TJP1: variants seen among roughly 807,000 people sequenced by gnomAD.
TJP1 encodes tight junction protein ZO-1.
Under a neutral mutation model 194.2 loss-of-function variants are expected in TJP1, and 43 were observed. The observed-to-expected ratio is 0.22, with a 90% CI of 0.17 to 0.29. TJP1 has a LOEUF of 0.29. TJP1 is among the 10% of genes least tolerant of loss of function. The pLI is 1.00. For missense variants in TJP1, 1,971 were observed against 2,185.7 expected, an observed-to-expected ratio of 0.90 and a Z score of 1.96; for synonymous variants, 801 against 779.0, an observed-to-expected ratio of 1.03 and a Z score of -0.47.
intron 2 of TJP1, among the ~76,000 whole-genome samples, chr15:29,793,982 G>A (rs1219661530): frequency 1.3e-5 from 2 of 152,134 alleles, no homozygotes; most frequent in Non-Finnish European, 1.5e-5. Flanking sequence ...TGGTACCAGG[G>A]AAATACTGGC....
Position 29,761,186 on chromosome 15 carries a change from C to T in TJP1, c.963G>A (p.Glu321=), listed in dbSNP as rs761725816. The T allele has an allele frequency of 1.2e-6, 2 of 1,613,964 alleles. No individual in the cohort carries two copies. Among genetic ancestry groups the T allele is most frequent in the South Asian group, 1.1e-5 (1 of 91,052 alleles). ...SRSRSPDQRS[E]PSDHSRHSPQ... Reference sequence around the variant, plus strand: ...GCGAGTGCCTGGAATGATCAGAAGGCTCTGACCGCTGGTCAGGAGATCGTG... The same window carrying T: ...GCGAGTGCCTGGAATGATCAGAAGGTTCTGACCGCTGGTCAGGAGATCGTG... The change falls in exon 8 of 28, where the codon GAG becomes GAA. Residue 321 remains glutamate (E), a synonymous_variant. Transcript: ENST00000614355.
In TJP1 at chr15:29,958,105, T is replaced by C. The variant is rs928550306; in HGVS notation, c.174-1741A>G. Among the ~76,000 whole-genome samples, 5 of 152,324 alleles carry C rather than the reference T, an allele frequency of 3.3e-5. No homozygotes were observed. In the East Asian group the frequency reaches 7.7e-4, roughly 23 times the overall value. Reference sequence around the variant, plus strand: ...TTGTTTTTTATTAGATGTCTTGATGTTTATGACACATATCTTCTTAGGGAT... The same window carrying C: ...TTGTTTTTTATTAGATGTCTTGATGCTTATGACACATATCTTCTTAGGGAT... On this transcript the variant is annotated intron_variant, in intron 1 of 28. Coordinates refer to the TJP1 transcript ENST00000356107.
At chr15:29,789,844 C>T (rs1373534187) in intron 2 of TJP1, among the ~76,000 whole-genome samples, 1 of 152,208 alleles carries the variant, frequency 6.6e-6, no homozygotes, top group African/African-American at 2.4e-5. Context: ...TTGCTCACCT[C>T]AGAGAGAACA....
chr15:29,725,313 T>C (rs1188044580), intron 18 of TJP1, among the ~76,000 whole-genome samples: 1 of 152,170 alleles, frequency 6.6e-6, no homozygotes. Context: ...CAATAGACAC[T>C]GCCTCTCAGT....
At chr15:29,701,841 C>T in intron 27 of TJP1, 152 bp from the exon 28 acceptor site, 1 of 609,564 alleles carries the variant, frequency 1.6e-6, no homozygotes, top group Non-Finnish European at 2.8e-6. Context: ...TGCTGTATTT[C>T]AAAGCAGATC....
intron 1 of TJP1, among the ~76,000 whole-genome samples, chr15:29,812,566 C>G (rs775792978): frequency 6.6e-5 from 10 of 152,164 alleles, no homozygotes; most frequent in Non-Finnish European, 1.3e-4. Flanking sequence ...TGCTGCTTTT[C>G]TGGTCTAAGA....
At chr15:29,869,795 C>CTTTTTTTTTTTTTTTTTTTT (rs11318770) in intron 2 of TJP1, among the ~76,000 whole-genome samples, 2 of 56,002 alleles carry the variant, frequency 3.6e-5, no homozygotes, top group African/African-American at 6.7e-5. Flanking sequence ...TTCTTTCTTT[C>CTTTTTTTTTTTTTTTTTTTT]TTTTTTTTTT....
chr15:29,939,353 T>C lies in TJP1; in HGVS notation c.306+16879A>G, dbSNP rs189215223. ...GGCACTTGGAGCTTTTGCTATTCTC[T>C]CTCCACCTGGTACACACTCTGCAGT... On this transcript the variant is annotated intron_variant, in intron 2 of 28. Transcript: ENST00000356107. Among the ~76,000 whole-genome samples the C allele has an allele frequency of 2.1e-4, 32 of 152,284 alleles. No individual in the cohort carries two copies. The East Asian group carries it at 6.2e-3, about 29-fold the overall frequency.
At position 29,700,721 on chromosome 15, in the gene TJP1, CAA is replaced by C. The variant is rs11464931; in HGVS notation, c.*872_*873del. On this transcript the variant is annotated 3_prime_UTR_variant, in exon 28 of 28. Transcript: ENST00000614355. ...ACAGAAAACCACCACTGCCCCTTGT[CAA>C]AAAAAAAAAAAAAGAAAAGAAAAGA... 589 of 142,062 alleles carry C rather than the reference CAA, an allele frequency of 4.1e-3. No homozygotes were observed. Among genetic ancestry groups the C allele is most frequent in the Middle Eastern group, 9.5e-3 (3 of 316 alleles). The allele number at this position is 142,062 out of a possible 1,614,324, so 8.8% of individuals were successfully genotyped here. A position where few individuals can be genotyped will look rare whatever the true frequency, so the allele number is the denominator to read the frequency against.
Position 29,742,727 on chromosome 15 carries a change from A to C in TJP1, c.1065T>G (p.Pro355=). 1 of 1,608,176 alleles carries C rather than the reference A, an allele frequency of 6.2e-7. No individual in the cohort carries two copies. Among genetic ancestry groups the C allele is most frequent in the Non-Finnish European group, 8.5e-7 (1 of 1,177,648 alleles). ...GTGTGTGATCATCAGCATGCTTTAC[A>C]GGAGTTGAGACAGCCCCAGGTTTAG... ...RISKPGAVST[P]VKHADDHTPK... is the part of the protein sequence containing the mutation. The change falls in exon 9 of 28, where the codon CCT becomes CCG. Residue 355 remains proline, a synonymous_variant. Coordinates refer to ENST00000614355, the MANE Select transcript of TJP1 (RefSeq NM_001330239.4).
At chr15:29,748,144 T>C (rs1474559546) in intron 8 of TJP1, among the ~76,000 whole-genome samples, 1 of 152,218 alleles carries the variant, frequency 6.6e-6, no homozygotes, top group East Asian at 1.9e-4. Flanking sequence ...AGAATCCATG[T>C]TAAATAAAAT....
chr15:29,787,125 G>A (rs756225237), intron 2 of TJP1, among the ~76,000 whole-genome samples: 7 of 152,088 alleles, frequency 4.6e-5, no homozygotes, highest in Admixed American at 3.3e-4. Flanking sequence ...TCACTTTACT[G>A]ATATATAATT....
Position 29,742,680 on chromosome 15 carries a change from G to A in TJP1, c.1112C>T (p.Thr371Ile). 1 of 1,589,224 alleles carries A rather than the reference G, an allele frequency of 6.3e-7. No homozygotes were observed. Among genetic ancestry groups the A allele is most frequent in the Non-Finnish European group, 8.6e-7 (1 of 1,169,132 alleles). ...DHTPKTVEEV[T>I]VERNEKQTPS... ...TGTTTGTTTCTCATTTCTTTCAACT[G>A]TAACTTCTTCCACTGTTTTAGGTGT... The change falls in exon 9 of 28, where the codon ACA (threonine) becomes ATA (isoleucine). Residue 371 changes from threonine (T) to isoleucine (I), a missense_variant. Coordinates refer to ENST00000614355, the MANE Select transcript of TJP1 (RefSeq NM_001330239.4).
At chr15:29,818,578 CAA>C (rs1339702960) in intron 1 of TJP1, among the ~76,000 whole-genome samples, 1 of 151,868 alleles carries the variant, frequency 6.6e-6, no homozygotes, top group Non-Finnish European at 1.5e-5. Flanking sequence ...GATCTTGGCT[CAA>C]TGCAACCTCT....
chr15:29,961,681 C>G (rs1207721395), intron 1 of TJP1, among the ~76,000 whole-genome samples: 1 of 152,154 alleles, frequency 6.6e-6, no homozygotes, highest in Non-Finnish European at 1.5e-5. Flanking sequence ...AGACCACAGG[C>G]CTGGCCCCTG....
Position 29,732,715 on chromosome 15 carries a change from T to C in TJP1, c.1837A>G (p.Asn613Asp). 6.2e-7 allele frequency: 1 copy of C among 1,614,170 alleles called. No individual in the cohort carries two copies. Among genetic ancestry groups the C allele is most frequent in the Non-Finnish European group, 8.5e-7 (1 of 1,180,026 alleles). ...AAATCCTCTCTGCTTTTTCGAAGAT[T>C]TCTCTTGGAGCTGCGAAGACCTCTG... ...RFRGLRSSKR[N>D]LRKSREDLSA... The change falls in exon 14 of 28, where the codon AAT (asparagine) becomes GAT (aspartate). Residue 613 changes from asparagine to aspartate, a missense_variant. Physicochemically the swap from Asn to Asp is conservative, Grantham distance 23. Around this residue, in one of 5 missense-constraint regions of TJP1, gnomAD observed 402 missense variants for 484.2 expected, o/e 0.83. Transcript: ENST00000614355.
intron 2 of TJP1, among the ~76,000 whole-genome samples, chr15:29,918,679 C>A (rs1044768160): frequency 1.3e-5 from 2 of 151,780 alleles, no homozygotes; most frequent in Admixed American, 6.6e-5. Flanking sequence ...GTCGAGGCTG[C>A]AGTAAGCTGA....
intron 2 of TJP1, among the ~76,000 whole-genome samples, chr15:29,928,714 C>T (rs958931314): frequency 2.6e-5 from 4 of 152,092 alleles, no homozygotes; most frequent in South Asian, 2.1e-4. Context: ...GAGGCCAAGG[C>T]GGGCAGATCA....
chr15:29,726,309 T>A (rs750764560), intron 18 of TJP1, 70 bp downstream of exon 18: 39 of 1,274,968 alleles, frequency 3.1e-5, no homozygotes, highest in Non-Finnish European at 4.0e-5. Flanking sequence ...AGCACTGGTA[T>A]CTCAAAAGCA....
Sources: allele counts gnomAD v4.1 joint callset (sites outside exome capture counted in the v4.1 genomes callset), GRCh38; gene constraint gnomAD v4.1.1; regional missense constraint gnomAD v4.1.1; transcripts MANE v1.5; gene names NCBI Gene and HGNC (gene_info 2026-07-23, HGNC 2026-07-21).